FGF12: variants seen among roughly 807,000 people sequenced by gnomAD.
The protein encoded by FGF12 is fibroblast growth factor 12B.
In FGF12, 14 loss-of-function variants were observed where a neutral mutation model predicts 23.6. The ratio of observed to expected loss-of-function variants is 0.59; its 90% CI spans 0.39 to 0.93. The LOEUF is 0.93. Ranked by LOEUF, FGF12 falls within the 40% of genes least tolerant of loss-of-function variation. The pLI, the probability that FGF12 is intolerant of heterozygous loss-of-function variation, is 0.00. For synonymous variants in FGF12, 62 were observed against 77.3 expected, an observed-to-expected ratio of 0.80 and a Z score of 1.04; for missense variants, 175 against 217.8, an observed-to-expected ratio of 0.80 and a Z score of 1.24.
chr3:192,398,368 C>T (rs1359111587), intron 2 of FGF12, among the ~76,000 whole-genome samples: 1 of 145,526 alleles, frequency 6.9e-6, no homozygotes, highest in Non-Finnish European at 1.5e-5. Flanking sequence ...CTAAAGAGGC[C>T]CTTATATTTT....
chr3:192,596,144 T>TA (rs1713842411), intron 2 of FGF12, among the ~76,000 whole-genome samples: 2 of 147,998 alleles, frequency 1.4e-5, no homozygotes, highest in Non-Finnish European at 3.0e-5. Flanking sequence ...TAATATAATA[T>TA]ACTCTTAAAA....
At chr3:192,300,258 T>C (rs1715265620) in intron 4 of FGF12, among the ~76,000 whole-genome samples, 1 of 152,236 alleles carries the variant, frequency 6.6e-6, no homozygotes. Context: ...TACTAAATTA[T>C]AATGATCTAC....
intron 2 of FGF12, among the ~76,000 whole-genome samples, chr3:192,639,665 C>T (rs549062896): frequency 6.6e-6 from 1 of 152,330 alleles, no homozygotes; most frequent in South Asian, 2.1e-4. Context: ...GAGACAAAAA[C>T]TGCATCTGTA....
chr3:192,197,667 G>A (rs935120789), intron 4 of FGF12, among the ~76,000 whole-genome samples: 4 of 152,124 alleles, frequency 2.6e-5, no homozygotes, highest in Non-Finnish European at 5.9e-5. Context: ...CCTGGGGGCC[G>A]GATGTGGTGG....
intron 5 of FGF12, among the ~76,000 whole-genome samples, 190 bp from the exon 6 acceptor site, chr3:192,144,317 T>G (rs1166546563): frequency 6.6e-6 from 1 of 152,154 alleles, no homozygotes; most frequent in Non-Finnish European, 1.5e-5. Context: ...GTCACAACCT[T>G]TTAAACTTTT....
At chr3:192,424,100 C>T (rs1721619994) in intron 2 of FGF12, among the ~76,000 whole-genome samples, 1 of 150,330 alleles carries the variant, frequency 6.7e-6, no homozygotes, top group African/African-American at 2.4e-5. Context: ...AAAAAAAAGA[C>T]TATTAATGCT....
At chr3:192,641,103 T>TTC (rs1459344073) in intron 2 of FGF12, among the ~76,000 whole-genome samples, 36 of 20,658 alleles carry the variant, frequency 1.7e-3, no homozygotes, top group African/African-American at 7.8e-3. Context: ...GCCTTTCACT[T>TTC]TTTTTTTTTT....
intron 4 of FGF12, among the ~76,000 whole-genome samples, chr3:192,226,789 A>G (rs1718758429): frequency 6.6e-6 from 1 of 152,166 alleles, no homozygotes; most frequent in South Asian, 2.1e-4. Flanking sequence ...GTTAAATGTT[A>G]TCACCACAAA....
chr3:192,589,100 T>C (rs1713514344), intron 2 of FGF12, among the ~76,000 whole-genome samples: 1 of 151,748 alleles, frequency 6.6e-6, no homozygotes, highest in South Asian at 2.1e-4. Flanking sequence ...ACTTTGGCAG[T>C]CCGAGGCAGG....
chr3:192,381,362 G>A (rs1719804650), intron 2 of FGF12, among the ~76,000 whole-genome samples: 1 of 152,144 alleles, frequency 6.6e-6, no homozygotes, highest in East Asian at 1.9e-4. Context: ...TAAACCTACT[G>A]CCTGCCTGCC....
At chr3:192,337,617 G>A (rs557039180) in intron 3 of FGF12, among the ~76,000 whole-genome samples, 1 of 152,242 alleles carries the variant, frequency 6.6e-6, no homozygotes, top group South Asian at 2.1e-4. Context: ...CCTCCACTCA[G>A]TCACTTGGCT....
At chr3:192,500,378 A>G (rs1242725352) in intron 2 of FGF12, among the ~76,000 whole-genome samples, 2 of 152,234 alleles carry the variant, frequency 1.3e-5, no homozygotes, top group Non-Finnish European at 2.9e-5. Flanking sequence ...AAAATAGAAT[A>G]GGATTTCAGA....
chr3:192,483,226 T>A (rs185606772), intron 2 of FGF12, among the ~76,000 whole-genome samples: 6 of 152,256 alleles, frequency 3.9e-5, no homozygotes, highest in Admixed American at 3.3e-4. Context: ...TTTTAATACA[T>A]TATTACTATT....
chr3:192,554,429 A>G (rs1050571887), intron 2 of FGF12, among the ~76,000 whole-genome samples: 1 of 152,220 alleles, frequency 6.6e-6, no homozygotes, highest in Admixed American at 6.5e-5. Flanking sequence ...TTAGAGGGAG[A>G]AAGAGATGAT....
At chr3:192,286,072 A>G (rs768562067) in intron 4 of FGF12, among the ~76,000 whole-genome samples, 1 of 152,026 alleles carries the variant, frequency 6.6e-6, no homozygotes, top group African/African-American at 2.4e-5. Flanking sequence ...ATGTGATGCA[A>G]GTGAAAATTC....
At chr3:192,564,307 G>C (rs958279174) in intron 2 of FGF12, among the ~76,000 whole-genome samples, 2 of 152,074 alleles carry the variant, frequency 1.3e-5, no homozygotes, top group Non-Finnish European at 1.5e-5. Flanking sequence ...CGGGTGATCT[G>C]CCTGCCTCAG....
chr3:192,267,432 T>G (rs2108624273), intron 4 of FGF12, among the ~76,000 whole-genome samples: 1 of 152,292 alleles, frequency 6.6e-6, no homozygotes, highest in South Asian at 2.1e-4. Flanking sequence ...TATTTCCATT[T>G]CCAATGAGAG....
At chr3:192,650,557 T>A (rs913278461) in intron 2 of FGF12, among the ~76,000 whole-genome samples, 36 of 152,330 alleles carry the variant, frequency 2.4e-4, no homozygotes, top group African/African-American at 7.2e-4. Flanking sequence ...TTGAATTTAT[T>A]ATACCTCACT....
Position 192,158,328 on chromosome 3 carries a change from CTTTCTCTT to C in FGF12, c.427+12122_427+12129del, listed in dbSNP as rs1269485257. ...TTTTCCCTTTTCTCTTTCTTTCTTT[CTTTCTCTT>C]TCTTTCTTTCTTTCTTTCTTTCTTT... On this transcript the variant is annotated intron_variant, in intron 5 of 5. Coordinates refer to ENST00000445105, the MANE Select transcript of FGF12 (RefSeq NM_004113.6). Among the ~76,000 whole-genome samples the C allele has an allele frequency of 6.9e-3, 764 of 110,328 alleles. 6 individuals are homozygous for C. Among genetic ancestry groups the C allele is most frequent in the South Asian group, 0.024 (71 of 2,960 alleles). 72.4% of individuals were successfully genotyped at this position (110,328 alleles called of 152,430 possible).
Sources: allele counts gnomAD v4.1 joint callset (sites outside exome capture counted in the v4.1 genomes callset), GRCh38; gene constraint gnomAD v4.1.1; transcripts MANE v1.5; gene names NCBI Gene and HGNC (gene_info 2026-07-23, HGNC 2026-07-21).